Variants in SLMAP observed in about 807,000 individuals in gnomAD.
SLMAP encodes the protein sarcolemma associated protein.
In SLMAP, 44 loss-of-function variants were observed where a neutral mutation model predicts 128.8. That is an observed-to-expected ratio of 0.34 (90% CI 0.27 to 0.44). SLMAP has a LOEUF of 0.44. Ranked by LOEUF, SLMAP falls within the 20% of genes least tolerant of loss-of-function variation. SLMAP has a pLI of 1.00. For missense variants in SLMAP, 787 were observed against 985.3 expected (o/e 0.80, Z 2.69); for synonymous variants, 327 against 348.8 (o/e 0.94, Z 0.70).
intron 2 of SLMAP, among the ~76,000 whole-genome samples, chr3:57,828,555 G>GT (rs2093090074): frequency 6.6e-6 from 1 of 152,168 alleles, no homozygotes; most frequent in African/African-American, 2.4e-5. Flanking sequence ...GAGTGATTGA[G>GT]TTGTGAGGGA....
chr3:57,845,185 T>TA (rs1435529658), intron 4 of SLMAP, among the ~76,000 whole-genome samples: 1 of 152,180 alleles, frequency 6.6e-6, no homozygotes, highest in Non-Finnish European at 1.5e-5. Context: ...TACATAATTT[T>TA]AAAAAAATCT....
intron 14 of SLMAP, among the ~76,000 whole-genome samples, chr3:57,878,729 T>C (rs1239054658): frequency 6.6e-6 from 1 of 152,246 alleles, no homozygotes; most frequent in Admixed American, 6.5e-5. Context: ...TGGAGAGGTG[T>C]AGAAGCTGTG....
intron 2 of SLMAP, among the ~76,000 whole-genome samples, chr3:57,805,362 A>G (rs759152758): frequency 3.9e-5 from 6 of 152,198 alleles, no homozygotes; most frequent in Non-Finnish European, 7.3e-5. Flanking sequence ...TTTACTTACT[A>G]GATGTCCTTA....
rs189455340 is a variant in SLMAP at position 57,894,617 on chromosome 3, A to G, written c.1361-1894A>G. 1.5e-3 allele frequency among the ~76,000 whole-genome samples: 228 copies of G among 152,348 alleles called. 2 individuals carry two copies. Among genetic ancestry groups the G allele is most frequent in the African/African-American group, 5.1e-3 (210 of 41,584 alleles). ...TACACAGAATAATACAAAATAAAGT[A>G]TGATTAATTGAGGAAACAAAAGACA... On this transcript the variant is annotated intron_variant, in intron 15 of 24. Transcript: ENST00000671191.
At position 57,912,317 on chromosome 3, in the gene SLMAP, C is replaced by T. The variant is rs1354254261; in HGVS notation, c.1700-64C>T. ...GACAACCCAGGTTATGCATTAGCTA[C>T]AATCCTGTATGGATTATTCTTTTAT... is the stretch of plus-strand genomic sequence containing the variant. On this transcript the variant is annotated intron_variant, in intron 19 of 24. Transcript: ENST00000671191. 3 of 1,408,972 alleles carry T rather than the reference C, an allele frequency of 2.1e-6. No individual in the cohort carries two copies. In the Admixed American group the frequency reaches 5.3e-5, roughly 25 times the overall value. 87.3% of individuals were successfully genotyped at this position (1,408,972 alleles called of 1,614,324 possible). A position where few individuals can be genotyped will look rare whatever the true frequency, so the allele number is the denominator to read the frequency against.
intron 2 of SLMAP, among the ~76,000 whole-genome samples, chr3:57,761,383 C>A (rs2078605128): frequency 2.6e-5 from 4 of 151,994 alleles, no homozygotes; most frequent in Non-Finnish European, 4.4e-5. Context: ...CAACCTATAC[C>A]TTCTGGATTC....
intron 22 of SLMAP, chr3:57,918,582 GCTCT>G (rs1289332639): frequency 1.3e-5 from 2 of 152,100 alleles, no homozygotes; most frequent in Non-Finnish European, 2.9e-5. Context: ...ATGTGAAATT[GCTCT>G]CTTTCTGTTT....
At chr3:57,867,037 G>A (rs184363856) in intron 13 of SLMAP, among the ~76,000 whole-genome samples, 1 of 152,168 alleles carries the variant, frequency 6.6e-6, no homozygotes, top group East Asian at 1.9e-4. Flanking sequence ...AATTAGCTGG[G>A]CGTGGTGGCA....
chr3:57,904,527 A>T (rs867510563), intron 17 of SLMAP, among the ~76,000 whole-genome samples: 1 of 152,232 alleles, frequency 6.6e-6, no homozygotes, highest in Non-Finnish European at 1.5e-5. Context: ...CTACCATACA[A>T]TTCTCAAAAT....
chr3:57,785,460 A>G (rs1405394074), intron 2 of SLMAP, among the ~76,000 whole-genome samples: 1 of 152,222 alleles, frequency 6.6e-6, no homozygotes, highest in Admixed American at 6.5e-5. Flanking sequence ...TAAGGGGATT[A>G]GAGGTTATAA....
intron 10 of SLMAP, among the ~76,000 whole-genome samples, chr3:57,863,036 A>T (rs1409061350): frequency 6.6e-6 from 1 of 152,222 alleles, no homozygotes; most frequent in African/African-American, 2.4e-5. Context: ...TGATATTCAG[A>T]TGTTTTAAAA....
intron 17 of SLMAP, among the ~76,000 whole-genome samples, chr3:57,905,950 G>A (rs560487420): frequency 1.3e-5 from 2 of 149,656 alleles, no homozygotes; most frequent in South Asian, 2.1e-4. Flanking sequence ...CGATCACAGA[G>A]CAAGGAAAAT....
chr3:57,864,729 T>G lies in SLMAP; in HGVS notation c.1135+13T>G. 2 of 1,580,506 alleles carry G rather than the reference T, an allele frequency of 1.3e-6. No homozygotes were observed. ...ACAGCTTTACAAGGTAAGTAGCTAA[T>G]CCAGAAATTGATTTTATTTTATTTT... On this transcript the variant is annotated intron_variant, in intron 11 of 24. Transcript: ENST00000671191.
At chr3:57,888,967 C>T (rs2095986520) in intron 14 of SLMAP, among the ~76,000 whole-genome samples, 1 of 151,934 alleles carries the variant, frequency 6.6e-6, no homozygotes, top group African/African-American at 2.4e-5. Flanking sequence ...TCACTGCAAG[C>T]TCCGCCTCCT....
chr3:57,870,739 CAT>C (rs941098394), intron 13 of SLMAP, among the ~76,000 whole-genome samples: 1 of 152,162 alleles, frequency 6.6e-6, no homozygotes, highest in African/African-American at 2.4e-5. Context: ...GGTGCCAACT[CAT>C]GTGTCCCCTT....
At chr3:57,795,905 A>G (rs898630214) in intron 2 of SLMAP, among the ~76,000 whole-genome samples, 2 of 152,092 alleles carry the variant, frequency 1.3e-5, no homozygotes, top group African/African-American at 4.8e-5. Flanking sequence ...AGGTGCTTCA[A>G]ATAAGTGGAA....
intron 14 of SLMAP, among the ~76,000 whole-genome samples, chr3:57,879,679 A>G (rs1231116405): frequency 6.6e-6 from 1 of 152,214 alleles, no homozygotes; most frequent in African/African-American, 2.4e-5. Context: ...GCAGTGGCTC[A>G]TGCCTGTAAT....
chr3:57,845,578 C>T (rs2094200577), intron 4 of SLMAP, among the ~76,000 whole-genome samples: 1 of 152,104 alleles, frequency 6.6e-6, no homozygotes, highest in Non-Finnish European at 1.5e-5. Flanking sequence ...ATAAGAATGG[C>T]CTCTAGGATG....
intron 13 of SLMAP, among the ~76,000 whole-genome samples, chr3:57,866,694 G>A (rs935130454): frequency 6.6e-6 from 1 of 152,256 alleles, no homozygotes; most frequent in Middle Eastern, 3.4e-3. Flanking sequence ...ACCAGCCTGA[G>A]CATCATGGTG....
Sources: allele counts gnomAD v4.1 joint callset (sites outside exome capture counted in the v4.1 genomes callset), GRCh38; gene constraint gnomAD v4.1.1; transcripts MANE v1.5; gene names NCBI Gene and HGNC (gene_info 2026-07-23, HGNC 2026-07-21).